The following NCEH1 variants were observed in gnomAD, a reference collection of about 807,000 sequenced individuals.
NCEH1 encodes 2-acetyl MAGE hydrolase.
In NCEH1, 9 loss-of-function variants were observed where a neutral mutation model predicts 25.4. The ratio of observed to expected loss-of-function variants is 0.35; its 90% CI spans 0.21 to 0.62. The LOEUF is 0.62. Among genes scored for constraint, NCEH1 ranks in the 20% least tolerant of loss-of-function variants. NCEH1 has a pLI of 0.72. For missense variants in NCEH1, 412 were observed against 501.1 expected (o/e 0.82, Z 1.70); for synonymous variants, 200 against 199.8 (o/e 1.00, Z -0.01).
At chr3:172,710,476 G>T (rs970718963) in intron 1 of NCEH1, among the ~76,000 whole-genome samples, 1 of 152,132 alleles carries the variant, frequency 6.6e-6, no homozygotes. Flanking sequence ...ATCCTCTGCC[G>T]GTCCCTATGG....
intron 1 of NCEH1, among the ~76,000 whole-genome samples, chr3:172,691,401 T>G (rs1260709427): frequency 7.8e-5 from 1 of 12,820 alleles, no homozygotes; most frequent in African/African-American, 5.9e-4. Flanking sequence ...AGCATACACC[T>G]CTTACATAAT....
chr3:172,662,863 T>C (rs1349839629), intron 1 of NCEH1, among the ~76,000 whole-genome samples: 4 of 152,036 alleles, frequency 2.6e-5, no homozygotes, highest in Non-Finnish European at 5.9e-5. Context: ...TCTTTTCTTA[T>C]TAGTCTTGCT....
chr3:172,687,148 G>A (rs1234228854), intron 1 of NCEH1, among the ~76,000 whole-genome samples: 1 of 152,150 alleles, frequency 6.6e-6, no homozygotes, highest in East Asian at 1.9e-4. Flanking sequence ...TCCCAAACAT[G>A]CAGCTTGGTT....
In NCEH1 at chr3:172,630,413, C is replaced by G. The variant is rs1245277543; in HGVS notation, c.*3062G>C. 2.6e-5 allele frequency: 4 copies of G among 152,200 alleles called. No individual in the cohort carries two copies. Among genetic ancestry groups the G allele is most frequent in the African/African-American group, 9.7e-5 (4 of 41,426 alleles). 9.4% of individuals were successfully genotyped at this position (152,200 alleles called of 1,614,324 possible). A position where few individuals can be genotyped will look rare whatever the true frequency, so the allele number is the denominator to read the frequency against. ...GGTCCCAAAATAGTCCCAGGGCCTG[C>G]CTGGCTTTTATGAATATTCTAGCCA... On this transcript the variant is annotated 3_prime_UTR_variant, in exon 5 of 5. Transcript: ENST00000475381.
chr3:172,704,924 G>A (rs972784755), intron 1 of NCEH1, among the ~76,000 whole-genome samples: 5 of 152,048 alleles, frequency 3.3e-5, no homozygotes, highest in Non-Finnish European at 5.9e-5. Context: ...TTTCTTCTAG[G>A]TCACTTTAGT....
intron 1 of NCEH1, among the ~76,000 whole-genome samples, chr3:172,666,570 T>G (rs1718217955): frequency 6.6e-6 from 1 of 152,196 alleles, no homozygotes; most frequent in South Asian, 2.1e-4. Flanking sequence ...CCATTACATG[T>G]GTGTCTGTGT....
At chr3:172,652,255 G>A (rs1160028281) in intron 1 of NCEH1, among the ~76,000 whole-genome samples, 1 of 152,226 alleles carries the variant, frequency 6.6e-6, no homozygotes, top group Non-Finnish European at 1.5e-5. Flanking sequence ...ATGTAGCAGG[G>A]TCTGCATGAA....
At chr3:172,640,492 C>CTTTATTTATTTAT (rs987953852) in intron 3 of NCEH1, among the ~76,000 whole-genome samples, 1 of 151,762 alleles carries the variant, frequency 6.6e-6, no homozygotes, top group Non-Finnish European at 1.5e-5. Context: ...TCCCTGCCCC[C>CTTTATTTATTTAT]TTTATTTATT....
chr3:172,641,337 AG>A (rs1462692520), intron 3 of NCEH1, among the ~76,000 whole-genome samples: 1 of 152,188 alleles, frequency 6.6e-6, no homozygotes, highest in Non-Finnish European at 1.5e-5. Context: ...GCTTTTACGT[AG>A]GTTTTGTACT....
chr3:172,707,838 G>C (rs1468499384), intron 1 of NCEH1, among the ~76,000 whole-genome samples: 2 of 152,100 alleles, frequency 1.3e-5, no homozygotes, highest in South Asian at 4.1e-4. Context: ...CGCCCGCCTC[G>C]GCCTCCCAAA....
At chr3:172,675,232 G>A (rs1402609346) in intron 1 of NCEH1, among the ~76,000 whole-genome samples, 2 of 151,980 alleles carry the variant, frequency 1.3e-5, no homozygotes, top group African/African-American at 4.8e-5. Context: ...GAACGTGGGA[G>A]GTGGAGGCTG....
chr3:172,648,181 C>CA (rs1717212206), intron 1 of NCEH1, 67 bp from the exon 2 acceptor site: 4 of 1,573,640 alleles, frequency 2.5e-6, no homozygotes, highest in Non-Finnish European at 2.6e-6. Flanking sequence ...GAGCTGCCCT[C>CA]ACCAACTGAG....
chr3:172,687,201 C>A (rs1010273006), intron 1 of NCEH1, among the ~76,000 whole-genome samples: 2 of 152,118 alleles, frequency 1.3e-5, no homozygotes, highest in African/African-American at 2.4e-5. Context: ...CCCATGCCAC[C>A]CGCTTCTCTT....
chr3:172,632,572 CTT>C lies in NCEH1; in HGVS notation c.*901_*902del, dbSNP rs533406356. ...TTTGAACTAATATTAAATGTATTTT[CTT>C]TTTTGACTATGCCAAGTATATTCAC... On this transcript the variant is annotated 3_prime_UTR_variant, in exon 5 of 5. Coordinates refer to ENST00000475381, the MANE Select transcript of NCEH1 (RefSeq NM_020792.6). 431 of 152,486 alleles carry C rather than the reference CTT, an allele frequency of 2.8e-3. 3 individuals are homozygous for C. The highest frequency in any genetic ancestry group is 8.3e-3 in the African/African-American group (345 of 41,520). 9.4% of individuals were successfully genotyped at this position (152,486 alleles called of 1,614,324 possible). A position where few individuals can be genotyped will look rare whatever the true frequency, so the allele number is the denominator to read the frequency against.
intron 1 of NCEH1, among the ~76,000 whole-genome samples, chr3:172,710,611 T>G (rs939972360): frequency 2.0e-5 from 3 of 152,198 alleles, no homozygotes; most frequent in Non-Finnish European, 4.4e-5. Context: ...CAAATTCTAT[T>G]CAAGCACTTC....
chr3:172,640,141 AC>A (rs1169848446), intron 3 of NCEH1, among the ~76,000 whole-genome samples: 1 of 152,182 alleles, frequency 6.6e-6, no homozygotes, highest in Non-Finnish European at 1.5e-5. Context: ...ATATAGTACT[AC>A]TTAGGTGAAA....
intron 1 of NCEH1, among the ~76,000 whole-genome samples, chr3:172,651,458 T>A (rs375072607): frequency 1.3e-5 from 2 of 152,184 alleles, no homozygotes; most frequent in South Asian, 2.1e-4. Context: ...TAGCCACACC[T>A]TTCTATAGTT....
At chr3:172,656,151 G>C (rs1292105067) in intron 1 of NCEH1, among the ~76,000 whole-genome samples, 1 of 152,152 alleles carries the variant, frequency 6.6e-6, no homozygotes, top group Non-Finnish European at 1.5e-5. Flanking sequence ...AAGTGAGCAG[G>C]AGTTGAAGAA....
intron 1 of NCEH1, among the ~76,000 whole-genome samples, chr3:172,698,232 C>T (rs1713484653): frequency 1.3e-5 from 2 of 152,088 alleles, no homozygotes; most frequent in South Asian, 4.1e-4. Flanking sequence ...CTGCCTCAGC[C>T]TCTCAAAGTG....
Sources: gnomAD v4.1 joint callset for allele counts (sites outside exome capture counted in the v4.1 genomes callset) on GRCh38, gnomAD v4.1.1 for gene constraint, MANE v1.5 for transcripts, NCBI Gene and HGNC (gene_info 2026-07-23, HGNC 2026-07-21) for gene names.